LGR6: variants seen among roughly 807,000 people sequenced by gnomAD.
LGR6 encodes the protein leucine-rich repeat-containing G protein-coupled receptor 6.
LGR6 carries 45 observed loss-of-function variants against 69.4 expected under a neutral mutation model. The ratio of observed to expected loss-of-function variants is 0.65; its 90% CI spans 0.51 to 0.83. LGR6 has a LOEUF of 0.83. LGR6 is among the 40% of genes least tolerant of loss of function. The pLI is 0.00. For missense variants in LGR6, 1,108 were observed against 1,246.7 expected (o/e 0.89, Z 1.68); for synonymous variants, 538 against 555.0 (o/e 0.97, Z 0.43).
At position 202,297,553 on chromosome 1, in the gene LGR6, G is replaced by C; in HGVS notation, c.762G>C (p.Arg254=). ...NKLQEFPVAI[R]TLGRLQELGF... ...TGCAGGAGTTCCCTGTGGCCATCCG[G>C]ACCCTGGGCAGACTGCAGGAACTGT... Residue 254 remains arginine, a synonymous_variant, in exon 7 of 18, where the codon CGG becomes CGC. Transcript: ENST00000367278. 3 of 1,613,952 alleles carry C rather than the reference G, an allele frequency of 1.9e-6. No homozygotes were observed. The highest frequency in any genetic ancestry group is 2.5e-6 in the Non-Finnish European group (3 of 1,179,930).
intron 6 of LGR6, among the ~76,000 whole-genome samples, chr1:202,290,467 G>T (rs773144244): frequency 1.3e-5 from 2 of 152,222 alleles, no homozygotes; most frequent in Non-Finnish European, 2.9e-5. Context: ...CCAACTCTGT[G>T]TAGAATATAG....
rs370069508 is a variant in LGR6, at chr1:202,318,404, G to T, written c.2101G>T (p.Ala701Ser). Residue 701 changes from alanine (A) to serine (S), a missense_variant, in exon 18 of 18, where the codon GCC becomes TCC. Ala to Ser is a moderately conservative substitution (Grantham distance 99). Transcript: ENST00000367278. Reference sequence around the variant, plus strand: ...CTGCCTGGCACTGGCAGGGCTGGCCGCCGCGCTGCCCCTGGCCTCAGTGGG... The same window carrying T: ...CTGCCTGGCACTGGCAGGGCTGGCCTCCGCGCTGCCCCTGGCCTCAGTGGG... The part of the protein sequence containing the change: ...LGCLALAGLA[A>S]ALPLASVGEY... The T allele has an allele frequency of 6.2e-7, 1 of 1,605,346 alleles. No individual in the cohort carries two copies. The highest frequency in any genetic ancestry group is 1.7e-5 in the Admixed American group (1 of 59,532).
Position 202,319,028 on chromosome 1 carries a change from GC to G in LGR6, c.2730del (p.Arg911GlyfsTer8). ...VTLISCQQPG[A>X]PRLEGSHCVE... is the part of the protein sequence containing the mutation. ...CCTCATCTCCTGTCAGCAGCCAGGG[GC>G]CCCCAGGCTGGAGGGCAGCCATTGT... On this transcript the variant is annotated frameshift_variant, in exon 18 of 18. Transcript: ENST00000367278. LOFTEE classifies it low-confidence loss of function (END_TRUNC). 6.2e-7 allele frequency: 1 copy of G among 1,614,118 alleles called. No homozygotes were observed. Among genetic ancestry groups the G allele is most frequent in the South Asian group, 1.1e-5 (1 of 91,074 alleles).
At position 202,233,414 on chromosome 1, in the gene LGR6, A is replaced by G. The variant is rs1013645089; in HGVS notation, c.357-2508A>G. Among the ~76,000 whole-genome samples, 68 of 152,150 alleles carry G rather than the reference A, an allele frequency of 4.5e-4. 2 individuals are homozygous for G. Among genetic ancestry groups the G allele is most frequent in the Admixed American group, 1.7e-3 (26 of 15,272 alleles). Reference sequence around the variant, plus strand: ...CCTGCGACCCCCTGTTTTCTCAGCCATCGTTTCTCTTGTATCCTTGCTCCA... The same window carrying G: ...CCTGCGACCCCCTGTTTTCTCAGCCGTCGTTTCTCTTGTATCCTTGCTCCA... On this transcript the variant is annotated intron_variant, in intron 3 of 17. Coordinates refer to ENST00000367278, the MANE Select transcript of LGR6 (RefSeq NM_001017403.2).
intron 1 of LGR6, among the ~76,000 whole-genome samples, chr1:202,209,987 G>A (rs1659398896): frequency 6.6e-6 from 1 of 152,230 alleles, no homozygotes; most frequent in Non-Finnish European, 1.5e-5. Flanking sequence ...CAGCCCTATG[G>A]ACATCACGGT....
At chr1:202,282,112 AC>A (rs1005684121) in intron 6 of LGR6, among the ~76,000 whole-genome samples, 8 of 152,046 alleles carry the variant, frequency 5.3e-5, no homozygotes, top group Admixed American at 5.2e-4. Context: ...CGGCATGCTC[AC>A]CCTCCGGAAG....
chr1:202,303,187 A>C, intron 9 of LGR6, 92 bp from the exon 10 acceptor site: 1 of 942,098 alleles, frequency 1.1e-6, no homozygotes, highest in Non-Finnish European at 1.7e-6. Flanking sequence ...CCAAAGGAGG[A>C]GTCCCGGAGG....
intron 4 of LGR6, among the ~76,000 whole-genome samples, chr1:202,253,264 C>A (rs1663422157): frequency 6.6e-6 from 1 of 151,904 alleles, no homozygotes; most frequent in Non-Finnish European, 1.5e-5. Flanking sequence ...TAGCACAATG[C>A]CAGGTACATC....
At chr1:202,269,066 G>A (rs2148133672) in intron 4 of LGR6, among the ~76,000 whole-genome samples, 1 of 152,156 alleles carries the variant, frequency 6.6e-6, no homozygotes, top group South Asian at 2.1e-4. Context: ...CACCATGCCT[G>A]GCTAACTTTT....
At chr1:202,276,248 C>A in intron 4 of LGR6, 58 bp from the exon 5 acceptor site, 1 of 1,472,720 alleles carries the variant, frequency 6.8e-7, no homozygotes, top group Non-Finnish European at 9.4e-7. Context: ...AGTCTAGCCC[C>A]AAAGCTTGGT....
chr1:202,311,943 A>T (rs547437891), intron 16 of LGR6, among the ~76,000 whole-genome samples: 2 of 152,340 alleles, frequency 1.3e-5, no homozygotes, highest in Admixed American at 6.5e-5. Flanking sequence ...GATGAGGAGC[A>T]GCCCAGCAGC....
At chr1:202,252,430 TA>T (rs1019970191) in intron 4 of LGR6, among the ~76,000 whole-genome samples, 3 of 152,182 alleles carry the variant, frequency 2.0e-5, no homozygotes, top group African/African-American at 7.2e-5. Flanking sequence ...TCACTCTTTA[TA>T]ATTATTTCTT....
intron 1 of LGR6, among the ~76,000 whole-genome samples, chr1:202,215,890 C>A (rs1659746129): frequency 6.6e-6 from 1 of 152,108 alleles, no homozygotes; most frequent in South Asian, 2.1e-4. Context: ...TGTGGCCTCA[C>A]TTTGTGACTG....
At chr1:202,271,094 G>A (rs568415180) in intron 4 of LGR6, among the ~76,000 whole-genome samples, 1 of 152,306 alleles carries the variant, frequency 6.6e-6, no homozygotes, top group South Asian at 2.1e-4. Flanking sequence ...AGGCGCTGCT[G>A]GGGGTTGTTG....
intron 4 of LGR6, among the ~76,000 whole-genome samples, chr1:202,241,126 GA>G (rs553409823): frequency 9.2e-5 from 14 of 152,178 alleles, no homozygotes; most frequent in Non-Finnish European, 1.8e-4. Context: ...TTCACTGGGT[GA>G]CCCTCCCTGC....
At chr1:202,267,098 C>T (rs1664729890) in intron 4 of LGR6, among the ~76,000 whole-genome samples, 1 of 152,132 alleles carries the variant, frequency 6.6e-6, no homozygotes, top group Non-Finnish European at 1.5e-5. Context: ...AATGCGGTTC[C>T]TCAGTCATGC....
chr1:202,197,476 G>A lies in LGR6; in HGVS notation c.212+3275G>A, dbSNP rs111447894. 5.1e-4 allele frequency: 271 copies of A among 533,096 alleles called. 1 individual carries two copies. The highest frequency in any genetic ancestry group is 4.5e-3 in the African/African-American group (236 of 52,040). The allele number at this position is 533,096 out of a possible 1,614,324, so 33.0% of individuals were successfully genotyped here. On this transcript the variant is annotated intron_variant, in intron 1 of 17. Transcript: ENST00000367278. The stretch of plus-strand genomic sequence containing the variant: ...TCAGCGAGGCTCATTGACACTCACC[G>A]GGGTTTTGACATTCTCCCTGGTTAG...
intron 4 of LGR6, among the ~76,000 whole-genome samples, chr1:202,263,831 T>C (rs1664426846): frequency 6.6e-6 from 1 of 152,154 alleles, no homozygotes; most frequent in African/African-American, 2.4e-5. Flanking sequence ...AAGAGGCACA[T>C]TTGCATATGA....
intron 12 of LGR6, 163 bp from the exon 13 acceptor site, chr1:202,306,705 C>A: frequency 1.4e-6 from 1 of 704,256 alleles, no homozygotes. Flanking sequence ...AACCGGATCC[C>A]CTTGTGCTCC....
Sources: allele counts gnomAD v4.1 joint callset (sites outside exome capture counted in the v4.1 genomes callset), GRCh38; gene constraint gnomAD v4.1.1; transcripts MANE v1.5; gene names NCBI Gene and HGNC (gene_info 2026-07-23, HGNC 2026-07-21).